The following SRRM3 variants were observed in gnomAD, a reference collection of about 807,000 sequenced individuals.
The protein encoded by SRRM3 is serine/arginine repetitive matrix protein 3.
A neutral mutation model predicts 66.2 loss-of-function variants in SRRM3; 27 were observed. The ratio of observed to expected loss-of-function variants is 0.41; its 90% CI spans 0.30 to 0.56. The LOEUF is 0.56. SRRM3 is among the 20% of genes least tolerant of loss of function. The pLI is 0.32. For missense variants in SRRM3, 918 were observed against 991.9 expected (o/e 0.93, Z 1.00); for synonymous variants, 391 against 414.9 (o/e 0.94, Z 0.70).
intron 9 of SRRM3, 36 bp from the exon 10 acceptor site, chr7:76,265,328 A>C (rs1554609345): frequency 6.5e-7 from 1 of 1,531,404 alleles, no homozygotes; most frequent in East Asian, 2.4e-5. Flanking sequence ...GGGGGGCAGA[A>C]TTGAGGTACA....
chr7:76,235,682 A>G (rs2116998084), intron 2 of SRRM3, among the ~76,000 whole-genome samples: 1 of 152,036 alleles, frequency 6.6e-6, no homozygotes, highest in East Asian at 1.9e-4. Flanking sequence ...CCTGCCTAAC[A>G]TGGTGAAACC....
At chr7:76,228,787 T>C (rs535878271) in intron 1 of SRRM3, among the ~76,000 whole-genome samples, 1 of 152,110 alleles carries the variant, frequency 6.6e-6, no homozygotes, top group East Asian at 1.9e-4. Context: ...TGATGCCCAA[T>C]AAAATTTGAA....
intron 10 of SRRM3, 38 bp downstream of exon 10, chr7:76,265,506 G>T: frequency 6.5e-7 from 1 of 1,544,188 alleles, no homozygotes; most frequent in Non-Finnish European, 8.9e-7. Flanking sequence ...TCCTGGTGGG[G>T]GATGAGGGTT....
Position 76,211,243 on chromosome 7 carries a change from C to T in SRRM3, c.-40+9176C>T, listed in dbSNP as rs186032746. ...TTGAGCCGGCCTCACAGATGGAGCT[C>T]GTAGAATGAATGCAGGTTTGCCAGG... On this transcript the variant is annotated intron_variant, in intron 1 of 14. Transcript: ENST00000611745. Among the ~76,000 whole-genome samples, 265 of 152,252 alleles carry T rather than the reference C, an allele frequency of 1.7e-3. 1 individual carries two copies. The highest frequency in any genetic ancestry group is 6.1e-3 in the African/African-American group (254 of 41,546).
rs782055282 is a variant in SRRM3 at position 76,262,516 on chromosome 7, G to GAAAA, written c.674+951_674+954dup. On this transcript the variant is annotated intron_variant, in intron 8 of 14. Transcript: ENST00000611745. ...GGTGACACAGCGAGACTCTGTCTCA[G>GAAAA]AAAAAAAAAAAAAAAAAAACAAAGT... 2.2e-4 allele frequency among the ~76,000 whole-genome samples: 20 copies of GAAAA among 92,722 alleles called. 1 individual carries two copies. The highest frequency in any genetic ancestry group is 8.3e-4 in the South Asian group (2 of 2,412). The allele number at this position is 92,722 out of a possible 152,430, so 60.8% of individuals were successfully genotyped here.
intron 1 of SRRM3, among the ~76,000 whole-genome samples, chr7:76,206,693 G>A (rs1245709727): frequency 1.3e-5 from 2 of 152,178 alleles, no homozygotes; most frequent in East Asian, 1.9e-4. Context: ...CAGGCCCCTG[G>A]GGCCATGTGT....
At chr7:76,216,937 A>G (rs893122890) in intron 1 of SRRM3, among the ~76,000 whole-genome samples, 4 of 152,146 alleles carry the variant, frequency 2.6e-5, no homozygotes, top group Non-Finnish European at 5.9e-5. Flanking sequence ...ACCTGAGGGG[A>G]TGCCCCCCAG....
At chr7:76,220,536 C>T (rs1800683105) in intron 1 of SRRM3, among the ~76,000 whole-genome samples, 1 of 152,154 alleles carries the variant, frequency 6.6e-6, no homozygotes, top group African/African-American at 2.4e-5. Flanking sequence ...CCTCACCGGC[C>T]CCGGACACCC....
intron 13 of SRRM3, 41 bp downstream of exon 13, chr7:76,282,913 GGGT>G (rs1802564875): frequency 7.6e-7 from 1 of 1,308,878 alleles, no homozygotes; most frequent in Non-Finnish European, 9.7e-7. Flanking sequence ...GCGGGCGGCG[GGGT>G]GGAGCGGCCG....
At chr7:76,274,086 C>T (rs1802278199) in intron 11 of SRRM3, among the ~76,000 whole-genome samples, 1 of 152,270 alleles carries the variant, frequency 6.6e-6, no homozygotes, top group Non-Finnish European at 1.5e-5. Context: ...CCTGCCAGCC[C>T]CCGGGACTTC....
intron 2 of SRRM3, among the ~76,000 whole-genome samples, chr7:76,237,206 G>A (rs1436367008): frequency 6.6e-6 from 1 of 152,200 alleles, no homozygotes; most frequent in Admixed American, 6.5e-5. Context: ...AGGAGATCGA[G>A]ATCATCCTGG....
chr7:76,266,641 TTATATATTA>T (rs1802062520), intron 10 of SRRM3, among the ~76,000 whole-genome samples: 1 of 131,636 alleles, frequency 7.6e-6, no homozygotes, highest in Admixed American at 9.2e-5. Flanking sequence ...TTTAATATAT[TTATATATTA>T]TATATATTAT....
intron 11 of SRRM3, chr7:76,268,294 G>A (rs1802125073): frequency 2.0e-5 from 3 of 151,054 alleles, no homozygotes; most frequent in South Asian, 2.1e-4. Context: ...AGACCCCAGG[G>A]AAGGTCCACA....
chr7:76,239,978 A>T (rs1239187726), intron 2 of SRRM3, among the ~76,000 whole-genome samples: 1 of 151,836 alleles, frequency 6.6e-6, no homozygotes, highest in South Asian at 2.1e-4. Flanking sequence ...AGCCTGGCCA[A>T]CATGATGAAA....
intron 1 of SRRM3, among the ~76,000 whole-genome samples, chr7:76,211,179 G>A (rs1294125592): frequency 6.6e-6 from 1 of 152,226 alleles, no homozygotes; most frequent in Non-Finnish European, 1.5e-5. Flanking sequence ...ACACCGGTGT[G>A]GGGAAGGACT....
At chr7:76,243,948 C>A (rs1464623913) in intron 2 of SRRM3, among the ~76,000 whole-genome samples, 1 of 152,190 alleles carries the variant, frequency 6.6e-6, no homozygotes, top group Non-Finnish European at 1.5e-5. Flanking sequence ...CTCTGCACTG[C>A]CCAACTCACA....
chr7:76,246,822 A>G (rs1357050867), intron 2 of SRRM3, among the ~76,000 whole-genome samples: 1 of 152,228 alleles, frequency 6.6e-6, no homozygotes, highest in African/African-American at 2.4e-5. Flanking sequence ...CATGGGGGCC[A>G]GTGCTGAAAA....
At chr7:76,218,215 C>A (rs1184965892) in intron 1 of SRRM3, among the ~76,000 whole-genome samples, 1 of 152,192 alleles carries the variant, frequency 6.6e-6, no homozygotes, top group Non-Finnish European at 1.5e-5. Context: ...CAGGGTCAGT[C>A]CTCAAGGCCA....
chr7:76,215,042 CA>C (rs11357454), intron 1 of SRRM3, among the ~76,000 whole-genome samples: 30,957 of 96,340 alleles, frequency 0.32, 3,241 homozygotes, highest in East Asian at 0.41. Flanking sequence ...TATATTCACT[CA>C]AAAAAAAAAA....
Sources: gnomAD v4.1 joint callset for allele counts (sites outside exome capture counted in the v4.1 genomes callset) on GRCh38, gnomAD v4.1.1 for gene constraint, MANE v1.5 for transcripts, NCBI Gene and HGNC (gene_info 2026-07-23, HGNC 2026-07-21) for gene names.